ZNF366: variants seen among roughly 807,000 people sequenced by gnomAD.
The protein encoded by ZNF366 is dendritic cell-specific transcript protein.
In ZNF366, 20 loss-of-function variants were observed where a neutral mutation model predicts 47.2. The observed-to-expected ratio is 0.42, with a 90% CI of 0.30 to 0.62. The LOEUF is 0.62. ZNF366 is among the 20% of genes least tolerant of loss of function. ZNF366 has a pLI of 0.16. For synonymous variants in ZNF366, 421 were observed against 395.1 expected, an observed-to-expected ratio of 1.07 and a Z score of -0.78; for missense variants, 987 against 976.3, an observed-to-expected ratio of 1.01 and a Z score of -0.15.
chr5:72,456,610 G>A lies in ZNF366; in HGVS notation c.1333-15C>T, dbSNP rs1475858290. 2 of 1,564,906 alleles carry A rather than the reference G, an allele frequency of 1.3e-6. No individual in the cohort carries two copies. The highest frequency in any genetic ancestry group is 2.7e-5 in the African/African-American group (2 of 74,254). ...TCCTTCACACCCTGCAGGGAGGCAA[G>A]ATTCAGAAAAGTGGTGATTGACAGG... is the stretch of plus-strand genomic sequence containing the variant. On this transcript the variant is annotated splice_polypyrimidine_tract_variant and intron_variant, in intron 2 of 4. Coordinates refer to ENST00000318442, the MANE Select transcript of ZNF366 (RefSeq NM_152625.3).
At chr5:72,474,652 G>GCA (rs60932161) in intron 1 of ZNF366, among the ~76,000 whole-genome samples, 3,981 of 146,860 alleles carry the variant, frequency 0.027, 102 homozygotes, top group East Asian at 0.091. Context: ...GTACACCCAT[G>GCA]CACACACACA....
intron 1 of ZNF366, among the ~76,000 whole-genome samples, chr5:72,472,860 G>T (rs969570813): frequency 6.6e-5 from 10 of 152,160 alleles, no homozygotes; most frequent in Admixed American, 2.6e-4. Flanking sequence ...AGTCCTATTT[G>T]TACCACTGTA....
At position 72,507,137 on chromosome 5, in the gene ZNF366, T is replaced by C. The variant is rs1022436221; in HGVS notation, c.-15+114A>G. ...GAAATTCTGGGCCATCTATCACTTA[T>C]ACCCTTTGGTTAAGGACTACTCCCA... is the stretch of plus-strand genomic sequence containing the variant. On this transcript the variant is annotated intron_variant, in intron 1 of 4. Transcript: ENST00000318442. The C allele has an allele frequency of 2.9e-5, 23 of 787,312 alleles. No individual in the cohort carries two copies. The South Asian group carries it at 4.6e-4, about 16-fold the overall frequency. The allele number at this position is 787,312 out of a possible 1,614,324, so 48.8% of individuals were successfully genotyped here. A position where few individuals can be genotyped will look rare whatever the true frequency, so the allele number is the denominator to read the frequency against.
At position 72,444,085 on chromosome 5, in the gene ZNF366, C is replaced by A; in HGVS notation, c.1906G>T (p.Ala636Ser). 1 of 1,614,116 alleles carries A rather than the reference C, an allele frequency of 6.2e-7. No homozygotes were observed. Among genetic ancestry groups the A allele is most frequent in the Non-Finnish European group, 8.5e-7 (1 of 1,180,014 alleles). ...YEVEPYSPGL[A>S]PQSQQLCTPE... ...GTGCAGAGCTGCTGGCTCTGGGGGG[C>A]CAGGCCAGGGCTGTAGGGCTCCACC... is the stretch of plus-strand genomic sequence containing the variant. Residue 636 changes from alanine to serine, a missense_variant, in exon 5 of 5, where the codon GCC (alanine) becomes TCC (serine). This residue lies in a region of ZNF366 where 285 missense variants were observed against 234.8 expected (regional missense o/e 1.21). Coordinates refer to ENST00000318442, the MANE Select transcript of ZNF366 (RefSeq NM_152625.3).
chr5:72,499,298 G>C (rs550568787), intron 1 of ZNF366, among the ~76,000 whole-genome samples: 56 of 152,282 alleles, frequency 3.7e-4, no homozygotes, highest in African/African-American at 1.3e-3. Context: ...CTTGCCTGCT[G>C]CATCACTGAT....
chr5:72,444,077 C>G lies in ZNF366; in HGVS notation c.1914G>C (p.Gln638His). ...VEPYSPGLAP[Q>H]SQQLCTPEDL... Reference sequence around the variant, plus strand: ...CCTCGGGTGTGCAGAGCTGCTGGCTCTGGGGGGCCAGGCCAGGGCTGTAGG... The same window carrying G: ...CCTCGGGTGTGCAGAGCTGCTGGCTGTGGGGGGCCAGGCCAGGGCTGTAGG... The change falls in exon 5 of 5, where the codon CAG becomes CAC. Residue 638 changes from glutamine to histidine, a missense_variant. This residue lies in a region of ZNF366 where 285 missense variants were observed against 234.8 expected (regional missense o/e 1.21). Transcript: ENST00000318442. 1 of 1,614,180 alleles carries G rather than the reference C, an allele frequency of 6.2e-7. No homozygotes were observed. Among genetic ancestry groups the G allele is most frequent in the South Asian group, 1.1e-5 (1 of 91,082 alleles).
At chr5:72,487,321 C>T (rs1373463350) in intron 1 of ZNF366, among the ~76,000 whole-genome samples, 2 of 152,232 alleles carry the variant, frequency 1.3e-5, no homozygotes, top group African/African-American at 4.8e-5. Context: ...GATTGGACCC[C>T]AGCAAGGTTA....
intron 1 of ZNF366, among the ~76,000 whole-genome samples, chr5:72,486,187 C>T (rs1743888399): frequency 6.6e-6 from 1 of 152,170 alleles, no homozygotes. Context: ...AATAATGTTT[C>T]GTGAGAGGTT....
Position 72,460,693 on chromosome 5 carries a change from C to A in ZNF366, c.804G>T (p.Leu268=). The change falls in exon 2 of 5, where the codon CTG becomes CTT. Residue 268 remains leucine, a synonymous_variant. Coordinates refer to ENST00000318442, the MANE Select transcript of ZNF366 (RefSeq NM_152625.3). ...CEKSYTSKYN[L]VTHILGHSGI... ...CACTGTGGCCCAGGATGTGGGTGAC[C>A]AGGTTGTACTTGGAGGTGTAGGACT... 2 of 1,614,206 alleles carry A rather than the reference C, an allele frequency of 1.2e-6. No homozygotes were observed. Among genetic ancestry groups the A allele is most frequent in the Non-Finnish European group, 1.7e-6 (2 of 1,180,028 alleles).
chr5:72,505,767 T>G (rs1744307779), intron 1 of ZNF366, among the ~76,000 whole-genome samples: 1 of 152,196 alleles, frequency 6.6e-6, no homozygotes, highest in South Asian at 2.1e-4. Flanking sequence ...CCCTCGACAA[T>G]CTATTCCAGC....
intron 4 of ZNF366, 130 bp downstream of exon 4, chr5:72,447,113 A>G: frequency 3.0e-6 from 3 of 1,008,428 alleles, no homozygotes; most frequent in Middle Eastern, 4.7e-4. Context: ...GTAACATTAT[A>G]AGGTTACTCT....
intron 1 of ZNF366, among the ~76,000 whole-genome samples, chr5:72,489,906 G>A (rs1234373603): frequency 2.0e-5 from 3 of 152,228 alleles, no homozygotes; most frequent in African/African-American, 7.2e-5. Context: ...GCATCATGCT[G>A]CTATCACTTA....
At chr5:72,454,661 A>C (rs1361057664) in intron 3 of ZNF366, among the ~76,000 whole-genome samples, 2 of 152,230 alleles carry the variant, frequency 1.3e-5, no homozygotes, top group East Asian at 1.9e-4. Context: ...TCAGTTGATA[A>C]GATTAAAAAT....
intron 3 of ZNF366, among the ~76,000 whole-genome samples, chr5:72,450,047 A>T (rs533747885): frequency 6.6e-6 from 1 of 152,304 alleles, no homozygotes; most frequent in East Asian, 1.9e-4. Context: ...TCTTTCAGTT[A>T]TTATCTGTGG....
chr5:72,474,787 A>G (rs999371571), intron 1 of ZNF366, among the ~76,000 whole-genome samples: 1 of 152,134 alleles, frequency 6.6e-6, no homozygotes, highest in Non-Finnish European at 1.5e-5. Flanking sequence ...TAGCAACCTT[A>G]CTGGAATTTC....
At chr5:72,468,930 AC>A (rs1743489171) in intron 1 of ZNF366, among the ~76,000 whole-genome samples, 2 of 152,216 alleles carry the variant, frequency 1.3e-5, no homozygotes, top group Admixed American at 6.5e-5. Flanking sequence ...TTTTTCTCCA[AC>A]TTTCTTTGGA....
intron 2 of ZNF366, 40 bp from the exon 3 acceptor site, chr5:72,456,635 G>T (rs916245522): frequency 1.3e-6 from 2 of 1,536,774 alleles, no homozygotes; most frequent in African/African-American, 2.7e-5. Flanking sequence ...TGATTGACAG[G>T]TAACATGCTT....
chr5:72,456,971 GA>G (rs201784071), intron 2 of ZNF366, among the ~76,000 whole-genome samples: 58 of 150,900 alleles, frequency 3.8e-4, no homozygotes, highest in African/African-American at 1.4e-3. Context: ...TCATGATAAT[GA>G]AAAAAAAATC....
chr5:72,444,195 G>C lies in ZNF366; in HGVS notation c.1796C>G (p.Ala599Gly). 6.2e-7 allele frequency: 1 copy of C among 1,613,436 alleles called. No individual in the cohort carries two copies. Among genetic ancestry groups the C allele is most frequent in the Non-Finnish European group, 8.5e-7 (1 of 1,180,046 alleles). ...GTCTGACTGGAACACCGGCACCTTG[G>C]CCCGGCGCTTCTGAGAGAGGTCAAA... ...EPFDLSQKRR[A>G]KVPVFQSDGE... The change falls in exon 5 of 5, where the codon GCC becomes GGC. Residue 599 changes from alanine to glycine, a missense_variant. This residue lies in a region of ZNF366 where 285 missense variants were observed against 234.8 expected (regional missense o/e 1.21). Transcript: ENST00000318442.
Sources: gnomAD v4.1 joint callset for allele counts (sites outside exome capture counted in the v4.1 genomes callset) on GRCh38, gnomAD v4.1.1 for gene constraint, gnomAD v4.1.1 regional missense constraint, MANE v1.5 for transcripts, NCBI Gene and HGNC (gene_info 2026-07-23, HGNC 2026-07-21) for gene names.